Variants in RPRD2 observed in about 807,000 individuals in gnomAD.
The protein encoded by RPRD2 is regulation of nuclear pre-mRNA domain containing 2, also known as regulation of nuclear pre-mRNA domain-containing protein 2.
In RPRD2, 12 loss-of-function variants were observed where a neutral mutation model predicts 104.4. That is an observed-to-expected ratio of 0.11 (90% CI 0.07 to 0.19). RPRD2 has a LOEUF of 0.19. Among genes scored for constraint, RPRD2 ranks in the 10% least tolerant of loss-of-function variants. RPRD2 has a pLI of 1.00. For missense variants in RPRD2, 1,543 were observed against 1,790.1 expected (o/e 0.86, Z 2.49); for synonymous variants, 714 against 684.9 (o/e 1.04, Z -0.66).
intron 1 of RPRD2, among the ~76,000 whole-genome samples, chr1:150,396,081 C>T (rs1354182060): frequency 3.3e-5 from 5 of 152,056 alleles, no homozygotes; most frequent in African/African-American, 1.2e-4. Context: ...ATTTGCATTT[C>T]CCTGATCATT....
intron 1 of RPRD2, among the ~76,000 whole-genome samples, chr1:150,384,741 A>G (rs2102148308): frequency 6.6e-6 from 1 of 151,476 alleles, no homozygotes; most frequent in South Asian, 2.1e-4. Flanking sequence ...TCCTGACCCC[A>G]GGTGACCCAC....
intron 9 of RPRD2, among the ~76,000 whole-genome samples, chr1:150,462,555 T>G (rs1263144040): frequency 6.6e-6 from 1 of 152,066 alleles, no homozygotes; most frequent in East Asian, 1.9e-4. Context: ...TTATTTTTAT[T>G]TATTTATTTA....
At chr1:150,408,530 G>T (rs1663666205) in intron 1 of RPRD2, among the ~76,000 whole-genome samples, 2 of 151,178 alleles carry the variant, frequency 1.3e-5, no homozygotes, top group East Asian at 3.9e-4. Context: ...GTGTTTTCAC[G>T]AACTCTCATG....
Position 150,475,223 on chromosome 1 carries a change from T to G in RPRD2, c.*1889T>G, listed in dbSNP as rs1409573387. ...TAGTTATATTGAGTCCTAAGACATTTGTTAGGGAAAAGCATAAGAGAAAAT... is the reference window on the plus strand; with the variant it reads ...TAGTTATATTGAGTCCTAAGACATTGGTTAGGGAAAAGCATAAGAGAAAAT... On this transcript the variant is annotated 3_prime_UTR_variant, in exon 11 of 11. Coordinates refer to ENST00000369068, the MANE Select transcript of RPRD2 (RefSeq NM_015203.5). The G allele has an allele frequency of 6.6e-6, 1 of 152,056 alleles. No homozygotes were observed. Among genetic ancestry groups the G allele is most frequent in the Non-Finnish European group, 1.5e-5 (1 of 68,004 alleles). 9.4% of individuals were successfully genotyped at this position (152,056 alleles called of 1,614,324 possible). A position where few individuals can be genotyped will look rare whatever the true frequency, so the allele number is the denominator to read the frequency against.
Position 150,470,733 on chromosome 1 carries a change from C to T in RPRD2, c.1785C>T (p.Asn595=). 8 of 1,614,054 alleles carry T rather than the reference C, an allele frequency of 5.0e-6. No homozygotes were observed. Among genetic ancestry groups the T allele is most frequent in the Non-Finnish European group, 6.8e-6 (8 of 1,179,898 alleles). ...CCAAAAGCTTCAACTATTCTCCTAA[C>T]TCATCAACTTCTGAAGTCTCTTCAA... ...FIPKSFNYSP[N]SSTSEVSSTS... Residue 595 remains asparagine, a synonymous_variant, in exon 11 of 11, where the codon AAC becomes AAT. Transcript: ENST00000369068.
chr1:150,385,375 G>C (rs1415725252), intron 1 of RPRD2, among the ~76,000 whole-genome samples: 1 of 152,146 alleles, frequency 6.6e-6, no homozygotes, highest in Non-Finnish European at 1.5e-5. Context: ...TACTCGGGAG[G>C]CTGAGACAGA....
At chr1:150,443,115 A>C (rs1252665851) in intron 4 of RPRD2, 116 bp from the exon 5 acceptor site, 1 of 650,810 alleles carries the variant, frequency 1.5e-6, no homozygotes, top group Non-Finnish European at 2.7e-6. Flanking sequence ...TTATGACTTA[A>C]ATGTGCATGT....
chr1:150,393,797 A>G (rs2102188445), intron 1 of RPRD2, among the ~76,000 whole-genome samples: 1 of 152,288 alleles, frequency 6.6e-6, no homozygotes, highest in East Asian at 1.9e-4. Context: ...GATGTTCTGC[A>G]GGACATCTGG....
rs587750992 is a variant in RPRD2 at position 150,427,244 on chromosome 1, G to A, written c.335+9519G>A. 3.3e-5 allele frequency among the ~76,000 whole-genome samples: 5 copies of A among 152,278 alleles called. No individual in the cohort carries two copies. In the East Asian group the frequency reaches 5.8e-4, roughly 18 times the overall value. On this transcript the variant is annotated intron_variant, in intron 2 of 10. Coordinates refer to ENST00000369068, the MANE Select transcript of RPRD2 (RefSeq NM_015203.5). ...TCCCAGCACCTTGGGAGACCGAGGC[G>A]GGTGGATCACTTGAGGTCCGGAGAT...
intron 1 of RPRD2, among the ~76,000 whole-genome samples, chr1:150,399,742 G>A (rs1402410191): frequency 6.8e-6 from 1 of 147,960 alleles, no homozygotes; most frequent in Non-Finnish European, 1.5e-5. Context: ...GGGTGACAGA[G>A]TGAGACCCCA....
chr1:150,467,118 A>G (rs1032575217), intron 10 of RPRD2, among the ~76,000 whole-genome samples: 9 of 152,214 alleles, frequency 5.9e-5, no homozygotes, highest in Non-Finnish European at 1.0e-4. Flanking sequence ...CCTGCTCTCT[A>G]TCAAAGGAGT....
At chr1:150,451,723 C>T (rs1446110454) in intron 7 of RPRD2, among the ~76,000 whole-genome samples, 1 of 151,410 alleles carries the variant, frequency 6.6e-6, no homozygotes, top group Non-Finnish European at 1.5e-5. Context: ...GTGTTGAAGC[C>T]CTAACCTTCA....
Position 150,472,925 on chromosome 1 carries a change from A to G in RPRD2, c.3977A>G (p.Lys1326Arg), listed in dbSNP as rs1162382377. ...GCAGGGGCTGTGGCAGTATTTCCCA[A>G]GGACCATAGTTCCCTCCTTCAAGGG... ...GVAGAVAVFP[K>R]DHSSLLQGTL... Residue 1326 changes from lysine (K) to arginine (R), a missense_variant, in exon 11 of 11, where the codon AAG becomes AGG. Coordinates refer to ENST00000369068, the MANE Select transcript of RPRD2 (RefSeq NM_015203.5). The G allele has an allele frequency of 6.2e-7, 1 of 1,613,556 alleles. No individual in the cohort carries two copies.
intron 9 of RPRD2, 83 bp downstream of exon 9, chr1:150,460,400 T>TGTA: frequency 9.2e-7 from 1 of 1,084,712 alleles, no homozygotes; most frequent in Non-Finnish European, 1.3e-6. Context: ...GGGGGGTTGT[T>TGTA]GTTGTTGTTG....
chr1:150,404,503 G>C (rs1553886093), intron 1 of RPRD2, among the ~76,000 whole-genome samples: 2 of 152,052 alleles, frequency 1.3e-5, no homozygotes, highest in African/African-American at 4.8e-5. Flanking sequence ...GCCTCGCTCG[G>C]CCTCCCAAAG....
rs144562333 is a variant in RPRD2, at chr1:150,409,934, C to T, written c.206-7662C>T. 1.1e-4 allele frequency among the ~76,000 whole-genome samples: 17 copies of T among 152,120 alleles called. No homozygotes were observed. In the East Asian group the frequency reaches 1.9e-3, roughly 17 times the overall value. Reference sequence around the variant, plus strand: ...TGCTGGGATTATAGGCGTGAGCTACCGCACCTGGCCTGATGTTGCAGTTTT... The same window carrying T: ...TGCTGGGATTATAGGCGTGAGCTACTGCACCTGGCCTGATGTTGCAGTTTT... On this transcript the variant is annotated intron_variant, in intron 1 of 10. Transcript: ENST00000369068.
intron 1 of RPRD2, among the ~76,000 whole-genome samples, chr1:150,401,467 A>T (rs1663000247): frequency 6.6e-6 from 1 of 150,704 alleles, no homozygotes; most frequent in Non-Finnish European, 1.5e-5. Context: ...CAGCCTGGGC[A>T]ACAGAGCGAG....
At chr1:150,375,585 T>A (rs1285544544) in intron 1 of RPRD2, among the ~76,000 whole-genome samples, 11 of 152,204 alleles carry the variant, frequency 7.2e-5, no homozygotes, top group African/African-American at 2.7e-4. Flanking sequence ...TTCCTTGGGT[T>A]GAATGATTTT....
At position 150,449,024 on chromosome 1, in the gene RPRD2, G is replaced by A. The variant is rs587728815; in HGVS notation, c.870+2623G>A. Among the ~76,000 whole-genome samples, 8 of 152,282 alleles carry A rather than the reference G, an allele frequency of 5.3e-5. No homozygotes were observed. The South Asian group carries it at 1.7e-3, about 32-fold the overall frequency. On this transcript the variant is annotated intron_variant, in intron 7 of 10. Coordinates refer to ENST00000369068, the MANE Select transcript of RPRD2 (RefSeq NM_015203.5). Reference sequence around the variant, plus strand: ...TCATGCCTGTAATTCCAACACTTTGGGAGGCTGAGGTAGGAGGATCACTTG... The same window carrying A: ...TCATGCCTGTAATTCCAACACTTTGAGAGGCTGAGGTAGGAGGATCACTTG...
Sources: gnomAD v4.1 joint callset for allele counts (sites outside exome capture counted in the v4.1 genomes callset) on GRCh38, gnomAD v4.1.1 for gene constraint, MANE v1.5 for transcripts, NCBI Gene and HGNC (gene_info 2026-07-23, HGNC 2026-07-21) for gene names.